NRXN3: variants seen among roughly 807,000 people sequenced by gnomAD.
NRXN3 encodes neurexin III.
Under a neutral mutation model 137.6 loss-of-function variants are expected in NRXN3, and 32 were observed. The ratio of observed to expected loss-of-function variants is 0.23; its 90% confidence interval spans 0.18 to 0.31. The LOEUF is 0.31. NRXN3 is among the 10% of genes least tolerant of loss of function. The probability of loss-of-function intolerance (pLI) is 1.00; values close to 1 mark genes in which losing one functional copy is unlikely to be tolerated. For synonymous variants in NRXN3, 798 were observed against 784.5 expected, an observed-to-expected ratio of 1.02 and a Z score of -0.29; for missense variants, 1,574 against 2,062.5, an observed-to-expected ratio of 0.76 and a Z score of 4.59.
At chr14:78,614,956 G>A (rs910196613) in intron 4 of NRXN3, 18 of 456,446 alleles carry the variant, frequency 3.9e-5, no homozygotes, top group African/African-American at 2.2e-4. Flanking sequence ...GTTTTCTGCC[G>A]TGGGATGGTG....
intron 4 of NRXN3, among the ~76,000 whole-genome samples, chr14:78,534,883 A>T (rs148550518): frequency 3.4e-4 from 52 of 152,314 alleles, no homozygotes; most frequent in African/African-American, 1.2e-3. Flanking sequence ...AATTATATGT[A>T]CTTTTAGTGA....
intron 10 of NRXN3, among the ~76,000 whole-genome samples, chr14:78,864,587 C>T (rs1023071614): frequency 2.0e-5 from 3 of 151,992 alleles, no homozygotes; most frequent in Admixed American, 6.6e-5. Flanking sequence ...ATTTATTTTC[C>T]CACCCATTAT....
intron 16 of NRXN3, among the ~76,000 whole-genome samples, chr14:79,503,199 A>T (rs1044333633): frequency 6.6e-6 from 1 of 151,868 alleles, no homozygotes; most frequent in Admixed American, 6.6e-5. Flanking sequence ...CCCTTTGTTG[A>T]TTTCTGTTTT....
At chr14:79,823,550 T>C (rs1250341696) in intron 20 of NRXN3, among the ~76,000 whole-genome samples, 1 of 152,014 alleles carries the variant, frequency 6.6e-6, no homozygotes, top group Non-Finnish European at 1.5e-5. Flanking sequence ...CACTCCAGCC[T>C]GGGCAACAGA....
At chr14:79,655,982 C>A (rs2098503549) in intron 16 of NRXN3, among the ~76,000 whole-genome samples, 1 of 152,300 alleles carries the variant, frequency 6.6e-6, no homozygotes, top group Admixed American at 6.5e-5. Flanking sequence ...TAGCACTAGA[C>A]CCAACAATTT....
At chr14:78,380,099 TA>T (rs1199255461) in intron 4 of NRXN3, among the ~76,000 whole-genome samples, 2 of 151,888 alleles carry the variant, frequency 1.3e-5, no homozygotes, top group Non-Finnish European at 2.9e-5. Flanking sequence ...ATAGAGGAAA[TA>T]AAAACAATCT....
At chr14:79,825,206 C>CTTTTTTTTTTTT (rs11449914) in intron 20 of NRXN3, among the ~76,000 whole-genome samples, 2 of 117,818 alleles carry the variant, frequency 1.7e-5, no homozygotes, top group Admixed American at 9.1e-5. Flanking sequence ...TCTTTGTGTG[C>CTTTTTTTTTTTT]TTTTTTTTTT....
At chr14:79,232,956 A>T (rs1350531819) in intron 15 of NRXN3, among the ~76,000 whole-genome samples, 1 of 152,214 alleles carries the variant, frequency 6.6e-6, no homozygotes, top group African/African-American at 2.4e-5. Flanking sequence ...ATACTGTAGC[A>T]GTTGAGACAG....
intron 4 of NRXN3, among the ~76,000 whole-genome samples, chr14:78,535,947 G>T (rs2096531637): frequency 6.6e-6 from 1 of 152,140 alleles, no homozygotes; most frequent in Admixed American, 6.5e-5. Flanking sequence ...ACTCCCAAGA[G>T]ACTTTTTTTT....
chr14:79,857,543 T>C (rs939817259), intron 20 of NRXN3, among the ~76,000 whole-genome samples: 2 of 152,192 alleles, frequency 1.3e-5, no homozygotes, highest in East Asian at 3.9e-4. Flanking sequence ...TTTCTATTAA[T>C]GATCTTATAG....
chr14:79,768,716 C>A (rs1043417795), intron 19 of NRXN3, among the ~76,000 whole-genome samples: 3 of 152,206 alleles, frequency 2.0e-5, no homozygotes, highest in Admixed American at 6.5e-5. Context: ...AGCAGAGCGC[C>A]TCTCCTCCTC....
intron 4 of NRXN3, among the ~76,000 whole-genome samples, chr14:78,317,078 C>T (rs2078791354): frequency 6.6e-6 from 1 of 152,126 alleles, no homozygotes; most frequent in Non-Finnish European, 1.5e-5. Context: ...GAGAGGAAGC[C>T]AGTGGTATAG....
At chr14:78,936,723 C>G (rs2099340662) in intron 10 of NRXN3, among the ~76,000 whole-genome samples, 1 of 152,198 alleles carries the variant, frequency 6.6e-6, no homozygotes, top group African/African-American at 2.4e-5. Flanking sequence ...AAACATTCAG[C>G]ATCCAGTGTC....
At chr14:79,147,033 T>C (rs1330119191) in intron 15 of NRXN3, among the ~76,000 whole-genome samples, 1 of 151,502 alleles carries the variant, frequency 6.6e-6, no homozygotes, top group Non-Finnish European at 1.5e-5. Context: ...AGCAGAAAGA[T>C]GTATGAGGGG....
chr14:79,432,111 C>G (rs1018582109), intron 15 of NRXN3, among the ~76,000 whole-genome samples: 1 of 38,152 alleles, frequency 2.6e-5, no homozygotes, highest in Non-Finnish European at 4.9e-5. Context: ...AGTGTAATAT[C>G]TCATCTCAAT....
At chr14:79,820,952 C>A in intron 20 of NRXN3, among the ~76,000 whole-genome samples, 2 of 151,984 alleles carry the variant, frequency 1.3e-5, no homozygotes, top group East Asian at 3.9e-4. Context: ...TTAGCAGGGC[C>A]CCCTGGTGTG....
chr14:78,225,974 G>GTGTGTTGGT lies in NRXN3; in HGVS notation c.-703-16417_-703-16416insTGTGTTGGT, dbSNP rs1394081828. Among the ~76,000 whole-genome samples, 103 of 123,718 alleles carry GTGTGTTGGT rather than the reference G, an allele frequency of 8.3e-4. 1 individual carries two copies. The highest frequency in any genetic ancestry group is 2.7e-3 in the African/African-American group (89 of 32,506). The allele number at this position is 123,718 out of a possible 152,430, so 81.2% of individuals were successfully genotyped here. On this transcript the variant is annotated intron_variant, in intron 1 of 20. Transcript: ENST00000335750. The stretch of plus-strand genomic sequence containing the variant: ...TTTGGTGTGTGTGTGTGTGTGTGTT[G>GTGTGTTGGT]GTGTGTGTGTGTGTGTGTGTGTGTG...
intron 15 of NRXN3, among the ~76,000 whole-genome samples, chr14:79,181,394 G>A (rs188423420): frequency 6.6e-6 from 1 of 152,068 alleles, no homozygotes; most frequent in African/African-American, 2.4e-5. Context: ...AGCTTATGAT[G>A]ACATGTGGCT....
intron 8 of NRXN3, among the ~76,000 whole-genome samples, chr14:78,729,025 C>A (rs910468361): frequency 6.6e-6 from 1 of 152,162 alleles, no homozygotes; most frequent in African/African-American, 2.4e-5. Context: ...ATCAAAAAGC[C>A]ATTCTGGGGT....
Sources: allele counts gnomAD v4.1 joint callset (sites outside exome capture counted in the v4.1 genomes callset), GRCh38; gene constraint gnomAD v4.1.1; transcripts MANE v1.5; gene names NCBI Gene and HGNC (gene_info 2026-07-23, HGNC 2026-07-21).